Variants in GAD2 observed in about 807,000 individuals in gnomAD.
GAD2 encodes the protein glutamate decarboxylase 2.
GAD2 carries 22 observed loss-of-function variants against 80.1 expected under a neutral mutation model. That is an observed-to-expected ratio of 0.27 (90% confidence interval 0.20 to 0.39). The LOEUF is 0.39. GAD2 is among the 10% of genes least tolerant of loss of function. GAD2 has a pLI of 1.00. For missense variants in GAD2, 624 were observed against 738.4 expected, an observed-to-expected ratio of 0.85 and a Z score of 1.80; for synonymous variants, 274 against 256.9, an observed-to-expected ratio of 1.07 and a Z score of -0.64.
At chr10:26,283,553 C>T (rs1845296874) in intron 12 of GAD2, among the ~76,000 whole-genome samples, 2 of 152,186 alleles carry the variant, frequency 1.3e-5, no homozygotes, top group South Asian at 4.1e-4. Context: ...TAATGAGTTA[C>T]AGCAAGTGGA....
At chr10:26,237,962 G>A (rs553513570) in intron 7 of GAD2, among the ~76,000 whole-genome samples, 4 of 151,066 alleles carry the variant, frequency 2.6e-5, no homozygotes, top group African/African-American at 4.9e-5. Context: ...AGCTGAGATC[G>A]CACCACTGCA....
intron 8 of GAD2, among the ~76,000 whole-genome samples, chr10:26,259,253 T>A (rs1235116297): frequency 3.3e-5 from 5 of 152,240 alleles, no homozygotes; most frequent in Non-Finnish European, 2.9e-5. Context: ...GGTAATTCTA[T>A]CTTTAATTTT....
chr10:26,221,859 G>A (rs768892580), intron 4 of GAD2, among the ~76,000 whole-genome samples: 3 of 152,226 alleles, frequency 2.0e-5, no homozygotes, highest in Non-Finnish European at 4.4e-5. Context: ...GCAGGGTGGC[G>A]ACAGCAGCAG....
intron 3 of GAD2, 40 bp from the exon 4 acceptor site, chr10:26,219,003 A>G (rs749481991): frequency 3.5e-6 from 5 of 1,432,198 alleles, no homozygotes; most frequent in Non-Finnish European, 3.8e-6. Flanking sequence ...AATATTTTCA[A>G]AGTAAAATTA....
intron 12 of GAD2, among the ~76,000 whole-genome samples, chr10:26,284,071 A>G (rs995444621): frequency 3.3e-5 from 5 of 152,204 alleles, no homozygotes; most frequent in African/African-American, 1.2e-4. Context: ...GGGTGTAGAA[A>G]TGATTCCTTT....
chr10:26,301,057 T>G lies in GAD2; in HGVS notation c.*96T>G. The G allele has an allele frequency of 9.4e-7, 1 of 1,060,806 alleles. No individual in the cohort carries two copies. Among genetic ancestry groups the G allele is most frequent in the East Asian group, 2.4e-5 (1 of 41,846 alleles). 65.7% of individuals were successfully genotyped at this position (1,060,806 alleles called of 1,614,324 possible). A position where few individuals can be genotyped will look rare whatever the true frequency, so the allele number is the denominator to read the frequency against. ...TTTGTAGTTTGTTCCAAAGTAAATC[T>G]ATTTCTATATTGTGGTGTCAAAGTA... On this transcript the variant is annotated 3_prime_UTR_variant, in exon 16 of 16. Coordinates refer to ENST00000376261, the MANE Select transcript of GAD2 (RefSeq NM_001134366.2).
intron 15 of GAD2, among the ~76,000 whole-genome samples, chr10:26,294,795 A>G (rs762441025): frequency 6.6e-6 from 1 of 152,204 alleles, no homozygotes; most frequent in East Asian, 1.9e-4. Context: ...GGTGCAGGCA[A>G]TAACAACGAG....
At chr10:26,219,333 T>C in intron 4 of GAD2, 57 bp downstream of exon 4, 1 of 1,154,596 alleles carries the variant, frequency 8.7e-7, no homozygotes, top group East Asian at 2.6e-5. Flanking sequence ...TTTATTTTAT[T>C]TTTTTCTATA....
At chr10:26,240,811 C>T (rs1031039688) in intron 7 of GAD2, among the ~76,000 whole-genome samples, 9 of 150,930 alleles carry the variant, frequency 6.0e-5, no homozygotes, top group South Asian at 4.2e-4. Context: ...GCGGGGTGGG[C>T]GGATCACGAG....
intron 15 of GAD2, among the ~76,000 whole-genome samples, chr10:26,295,203 G>T (rs1279747063): frequency 6.6e-6 from 1 of 152,132 alleles, no homozygotes; most frequent in African/African-American, 2.4e-5. Context: ...GAATGGGGAT[G>T]GAGATTATTT....
In GAD2 at chr10:26,258,578, C is replaced by T. The variant is rs143833023; in HGVS notation, c.921-10541C>T. Among the ~76,000 whole-genome samples the T allele has an allele frequency of 2.9e-3, 441 of 152,300 alleles. 2 individuals are homozygous for T. Among genetic ancestry groups the T allele is most frequent in the African/African-American group, 0.01 (425 of 41,556 alleles). ...CTATCCCCAGGAAACGTCCACTCCACTGTCTCTACGAATTTTACTACTATG... is the reference window on the plus strand; with the variant it reads ...CTATCCCCAGGAAACGTCCACTCCATTGTCTCTACGAATTTTACTACTATG... On this transcript the variant is annotated intron_variant, in intron 8 of 15. Coordinates refer to ENST00000376261, the MANE Select transcript of GAD2 (RefSeq NM_001134366.2).
chr10:26,259,148 G>A (rs756663305), intron 8 of GAD2, among the ~76,000 whole-genome samples: 6 of 152,100 alleles, frequency 3.9e-5, no homozygotes, highest in Non-Finnish European at 2.9e-5. Flanking sequence ...TAGGAATAAC[G>A]CTGCAATGAA....
chr10:26,290,012 G>A (rs183525200), intron 13 of GAD2, among the ~76,000 whole-genome samples: 29 of 151,508 alleles, frequency 1.9e-4, no homozygotes, highest in Admixed American at 5.3e-4. Context: ...TTTTCCTTGT[G>A]GTTTTTTTAT....
intron 15 of GAD2, among the ~76,000 whole-genome samples, chr10:26,294,254 C>T (rs1211369573): frequency 6.6e-6 from 1 of 152,222 alleles, no homozygotes; most frequent in Non-Finnish European, 1.5e-5. Flanking sequence ...TGGGCTGTCT[C>T]ACTGACCTTT....
intron 7 of GAD2, among the ~76,000 whole-genome samples, chr10:26,243,762 A>T (rs1207730395): frequency 6.6e-6 from 1 of 152,222 alleles, no homozygotes; most frequent in African/African-American, 2.4e-5. Flanking sequence ...CCCCTCCAGC[A>T]ACTGGAATAA....
At position 26,303,715 on chromosome 10, in the gene GAD2, A is replaced by G. The variant is rs952328361; in HGVS notation, c.*2754A>G. 2.6e-5 allele frequency: 4 copies of G among 152,346 alleles called. No homozygotes were observed. In the South Asian group the frequency reaches 6.2e-4, roughly 24 times the overall value. 9.4% of individuals were successfully genotyped at this position (152,346 alleles called of 1,614,324 possible). ...TGTGATATGTCTTTATCTGAGACCT[A>G]TACATGGTATGGACTTCATATACTG... On this transcript the variant is annotated 3_prime_UTR_variant, in exon 16 of 16. Transcript: ENST00000376261.
chr10:26,245,153 C>CAA (rs1229625147), intron 7 of GAD2, among the ~76,000 whole-genome samples: 4,297 of 52,210 alleles, frequency 0.082, 258 homozygotes, highest in African/African-American at 0.19. Flanking sequence ...AACTCTGTCT[C>CAA]AAAAAAAAAA....
chr10:26,281,108 T>C (rs1845266147), intron 12 of GAD2, 21 bp downstream of exon 12: 2 of 1,576,222 alleles, frequency 1.3e-6, no homozygotes, highest in Non-Finnish European at 1.7e-6. Context: ...CTTGACTCTG[T>C]GTCCCAGTCC....
chr10:26,268,506 C>T (rs1845098411), intron 8 of GAD2, among the ~76,000 whole-genome samples: 1 of 151,598 alleles, frequency 6.6e-6, no homozygotes, highest in African/African-American at 2.4e-5. Flanking sequence ...TCTCTCGTAC[C>T]ATGATTATTA....
Sources: gnomAD v4.1 joint callset for allele counts (sites outside exome capture counted in the v4.1 genomes callset) on GRCh38, gnomAD v4.1.1 for gene constraint, MANE v1.5 for transcripts, NCBI Gene and HGNC (gene_info 2026-07-23, HGNC 2026-07-21) for gene names.